The following FYN variants were observed in gnomAD, a reference collection of about 807,000 sequenced individuals.
FYN encodes tyrosine-protein kinase Fyn.
FYN carries 10 observed loss-of-function variants against 70.2 expected under a neutral mutation model. The observed-to-expected ratio is 0.14, with a 90% confidence interval of 0.09 to 0.24. The LOEUF (loss-of-function observed/expected upper bound fraction) is 0.24, where lower values mean the gene tolerates loss of function less well. Ranked by LOEUF, FYN falls within the 10% of genes least tolerant of loss-of-function variation. The pLI, the probability that FYN is intolerant of heterozygous loss-of-function variation, is 1.00. For synonymous variants in FYN, 236 were observed against 248.6 expected, an observed-to-expected ratio of 0.95 and a Z score of 0.48; for missense variants, 319 against 673.1, an observed-to-expected ratio of 0.47 and a Z score of 5.82.
intron 6 of FYN, among the ~76,000 whole-genome samples, chr6:111,705,677 C>T (rs1311220416): frequency 2.6e-5 from 4 of 152,122 alleles, no homozygotes; most frequent in Non-Finnish European, 5.9e-5. Context: ...GGTGAAATCC[C>T]AACTCTACTG....
At chr6:111,691,079 A>G (rs1369527210) in intron 12 of FYN, among the ~76,000 whole-genome samples, 1 of 152,240 alleles carries the variant, frequency 6.6e-6, no homozygotes, top group South Asian at 2.1e-4. Context: ...ATAGAGAATA[A>G]GCAATCGCCC....
intron 1 of FYN, among the ~76,000 whole-genome samples, chr6:111,851,448 T>C (rs535530124): frequency 2.6e-5 from 4 of 152,252 alleles, no homozygotes; most frequent in African/African-American, 9.6e-5. Flanking sequence ...CACATCACAA[T>C]TGAGAGCACA....
intron 2 of FYN, among the ~76,000 whole-genome samples, chr6:111,805,974 C>T (rs1461830604): frequency 6.6e-6 from 1 of 152,116 alleles, no homozygotes; most frequent in Non-Finnish European, 1.5e-5. Context: ...CTTCTGAGCC[C>T]ACAACAGCTC....
intron 13 of FYN, among the ~76,000 whole-genome samples, chr6:111,668,787 C>A (rs1289575255): frequency 6.6e-6 from 1 of 152,152 alleles, no homozygotes; most frequent in East Asian, 1.9e-4. Context: ...GCAGGAAAAA[C>A]CCCAGGGACT....
chr6:111,723,509 C>CA (rs1442511534), intron 3 of FYN, among the ~76,000 whole-genome samples: 1 of 152,152 alleles, frequency 6.6e-6, no homozygotes, highest in Non-Finnish European at 1.5e-5. Context: ...CTTTTCTCTT[C>CA]AATGACACAT....
intron 2 of FYN, chr6:111,820,205 C>G (rs1772615053): frequency 6.6e-6 from 1 of 152,206 alleles, no homozygotes; most frequent in South Asian, 2.1e-4. Context: ...AACTATTTTC[C>G]TAATGAAGAG....
chr6:111,856,463 T>C (rs1423649484), intron 1 of FYN, among the ~76,000 whole-genome samples: 1 of 152,150 alleles, frequency 6.6e-6, no homozygotes, highest in Admixed American at 6.5e-5. Context: ...TGCTAAAAAG[T>C]TGACTAATGG....
intron 13 of FYN, among the ~76,000 whole-genome samples, chr6:111,662,426 T>C (rs896229676): frequency 5.9e-5 from 9 of 152,206 alleles, no homozygotes; most frequent in Non-Finnish European, 1.2e-4. Context: ...CCCTGTCTTC[T>C]TCTTTTTAAC....
At chr6:111,843,871 C>T (rs141454130) in intron 2 of FYN, among the ~76,000 whole-genome samples, 2,280 of 152,220 alleles carry the variant, frequency 0.015, 28 homozygotes, top group Non-Finnish European at 0.025. Context: ...ATAGGGCAAC[C>T]CCATCCAGCC....
intron 2 of FYN, among the ~76,000 whole-genome samples, chr6:111,796,549 C>T (rs1771810899): frequency 6.6e-6 from 1 of 152,158 alleles, no homozygotes; most frequent in Non-Finnish European, 1.5e-5. Flanking sequence ...GAATGTATCC[C>T]TGTCCTGAAG....
intron 3 of FYN, among the ~76,000 whole-genome samples, chr6:111,768,935 T>A (rs1803333459): frequency 6.6e-6 from 1 of 152,184 alleles, no homozygotes; most frequent in Admixed American, 6.5e-5. Context: ...TGAATCAGCA[T>A]GGGATAAAAG....
At chr6:111,830,954 G>C (rs879389790) in intron 2 of FYN, among the ~76,000 whole-genome samples, 2 of 152,126 alleles carry the variant, frequency 1.3e-5, no homozygotes, top group Non-Finnish European at 2.9e-5. Flanking sequence ...GACTAGGCAA[G>C]GGGGTGGAAG....
intron 2 of FYN, among the ~76,000 whole-genome samples, chr6:111,845,317 C>T (rs1773494556): frequency 6.6e-6 from 1 of 152,250 alleles, no homozygotes; most frequent in South Asian, 2.1e-4. Context: ...AGGCGACAGT[C>T]TTTGCCAATC....
At chr6:111,823,664 C>T (rs892891251) in intron 2 of FYN, among the ~76,000 whole-genome samples, 4 of 152,118 alleles carry the variant, frequency 2.6e-5, no homozygotes, top group African/African-American at 7.2e-5. Context: ...TCTACACACT[C>T]GCAGGCTCTG....
intron 2 of FYN, among the ~76,000 whole-genome samples, chr6:111,834,649 G>A (rs59787958): frequency 0.048 from 7,265 of 152,254 alleles, 294 homozygotes; most frequent in East Asian, 0.14. Flanking sequence ...TGCAAGGAGT[G>A]CCCATTTCTA....
intron 2 of FYN, among the ~76,000 whole-genome samples, chr6:111,815,127 C>T (rs1772444655): frequency 6.6e-6 from 1 of 152,158 alleles, no homozygotes; most frequent in African/African-American, 2.4e-5. Flanking sequence ...AGCTCAATCA[C>T]ACTGGATGAG....
chr6:111,689,276 C>T (rs1179178668), intron 12 of FYN, among the ~76,000 whole-genome samples: 4 of 152,214 alleles, frequency 2.6e-5, no homozygotes, highest in African/African-American at 9.6e-5. Flanking sequence ...TCCTAATGTC[C>T]AACCCCTGGT....
chr6:111,760,288 G>C (rs1045635171), intron 3 of FYN, among the ~76,000 whole-genome samples: 3 of 152,032 alleles, frequency 2.0e-5, no homozygotes, highest in Non-Finnish European at 4.4e-5. Context: ...GAGCAAACCC[G>C]CACTGCTTGG....
intron 5 of FYN, among the ~76,000 whole-genome samples, chr6:111,711,282 A>C (rs1230286364): frequency 6.6e-6 from 1 of 152,174 alleles, no homozygotes; most frequent in African/African-American, 2.4e-5. Flanking sequence ...AGGAAAAAAA[A>C]AACAACAAAC....
Sources: allele counts gnomAD v4.1 joint callset (sites outside exome capture counted in the v4.1 genomes callset), GRCh38; gene constraint gnomAD v4.1.1; transcripts MANE v1.5; gene names NCBI Gene and HGNC (gene_info 2026-07-23, HGNC 2026-07-21).